Variants in FOXP1 observed in about 807,000 individuals in gnomAD.
FOXP1 encodes the protein forkhead box P1.
In FOXP1, 15 loss-of-function variants were observed where a neutral mutation model predicts 98.2. The ratio of observed to expected loss-of-function variants is 0.15; its 90% confidence interval spans 0.10 to 0.24. FOXP1 has a LOEUF of 0.24. FOXP1 is among the 10% of genes least tolerant of loss of function. The pLI, the probability that FOXP1 is intolerant of heterozygous loss-of-function variation, is 1.00. For synonymous variants in FOXP1, 371 were observed against 314.5 expected (o/e 1.18, Z -1.90); for missense variants, 633 against 848.5 (o/e 0.75, Z 3.15).
intron 7 of FOXP1, among the ~76,000 whole-genome samples, chr3:71,077,170 T>G (rs1392772094): frequency 6.6e-6 from 1 of 152,206 alleles, no homozygotes; most frequent in Non-Finnish European, 1.5e-5. Flanking sequence ...TGTATGCTAA[T>G]CCTTCTTAGA....
At chr3:71,113,782 AAACAATGTCATCAATAAACCGCCATG>A (rs1417393003) in intron 6 of FOXP1, among the ~76,000 whole-genome samples, 1 of 111,974 alleles carries the variant, frequency 8.9e-6, no homozygotes, top group East Asian at 3.7e-4. Flanking sequence ...AAAAAGAAAA[AAACAATGTCATCAATAAACCGCCATG>A]AAGACATTCA....
chr3:71,126,883 AC>A (rs1365545470), intron 6 of FOXP1, among the ~76,000 whole-genome samples: 21 of 101,852 alleles, frequency 2.1e-4, no homozygotes, highest in African/African-American at 3.7e-4. Context: ...AAAAAAAAAA[AC>A]AAAAACAAAA....
chr3:71,009,558 C>T (rs1394140670), intron 12 of FOXP1, among the ~76,000 whole-genome samples: 3 of 152,098 alleles, frequency 2.0e-5, no homozygotes, highest in Non-Finnish European at 4.4e-5. Context: ...AGAACAATTT[C>T]TTCGGATATA....
rs147511687 is a variant in FOXP1, at chr3:71,402,003, C to T, written c.-167-42759G>A. Among the ~76,000 whole-genome samples the T allele has an allele frequency of 1.1e-4, 16 of 152,278 alleles. No homozygotes were observed. The South Asian group carries it at 1.9e-3, about 18-fold the overall frequency. On this transcript the variant is annotated intron_variant, in intron 3 of 20. Transcript: ENST00000649528. ...ACCAGGCTATAAACGCCATGAGAGA[C>T]GGAATGGCACACAAACATCTTCCTC...
intron 13 of FOXP1, among the ~76,000 whole-genome samples, chr3:70,995,821 T>C (rs1197402458): frequency 6.6e-6 from 1 of 152,212 alleles, no homozygotes; most frequent in Non-Finnish European, 1.5e-5. Flanking sequence ...AACCCTTCCC[T>C]GTTAACAAGC....
chr3:71,121,186 G>A (rs532165719), intron 6 of FOXP1, among the ~76,000 whole-genome samples: 19 of 152,106 alleles, frequency 1.2e-4, no homozygotes, highest in African/African-American at 4.6e-4. Flanking sequence ...TGGACAGAGA[G>A]AGATGCCGAA....
chr3:71,285,125 C>A (rs930094828), intron 5 of FOXP1, among the ~76,000 whole-genome samples: 2 of 152,104 alleles, frequency 1.3e-5, no homozygotes, highest in Admixed American at 1.3e-4. Flanking sequence ...AGAACATTAA[C>A]CCCACTCCAA....
At chr3:71,070,615 A>G (rs2107416606) in intron 7 of FOXP1, among the ~76,000 whole-genome samples, 1 of 152,178 alleles carries the variant, frequency 6.6e-6, no homozygotes, top group East Asian at 1.9e-4. Context: ...TACACAAAAC[A>G]AGGGCACTCT....
rs1412015319 is a variant in FOXP1, at chr3:71,041,212, T to C, written c.869+116A>G. 7.3e-6 allele frequency: 6 copies of C among 816,798 alleles called. No individual in the cohort carries two copies. In the Admixed American group the frequency reaches 7.4e-5, roughly 10 times the overall value. The allele number at this position is 816,798 out of a possible 1,614,324, so 50.6% of individuals were successfully genotyped here. On this transcript the variant is annotated intron_variant, in intron 11 of 20. Coordinates refer to ENST00000649528, the MANE Select transcript of FOXP1 (RefSeq NM_001349338.3). ...CTGAATACATTCCTCAGTAATTATA[T>C]GCACATTCAAGTCACATGGATCCAA...
At chr3:71,267,732 G>T (rs960669069) in intron 5 of FOXP1, among the ~76,000 whole-genome samples, 1 of 152,088 alleles carries the variant, frequency 6.6e-6, no homozygotes, top group African/African-American at 2.4e-5. Flanking sequence ...AAATGTCTGT[G>T]TTGGGCCAGG....
chr3:71,500,921 G>A (rs890042930), intron 2 of FOXP1, among the ~76,000 whole-genome samples: 3 of 152,210 alleles, frequency 2.0e-5, no homozygotes, highest in African/African-American at 7.2e-5. Flanking sequence ...GCTAGGCACA[G>A]TGGCTCACAT....
At chr3:71,222,672 G>A (rs1239190860) in intron 5 of FOXP1, among the ~76,000 whole-genome samples, 2 of 152,122 alleles carry the variant, frequency 1.3e-5, no homozygotes, top group Non-Finnish European at 2.9e-5. Flanking sequence ...GCCTGCCTTG[G>A]CCTCCCAAAG....
intron 7 of FOXP1, among the ~76,000 whole-genome samples, chr3:71,089,119 G>T (rs139202610): frequency 1.3e-5 from 2 of 152,160 alleles, no homozygotes; most frequent in African/African-American, 4.8e-5. Flanking sequence ...AAGCCCCAAA[G>T]ATTCTCACCA....
intron 7 of FOXP1, among the ~76,000 whole-genome samples, chr3:71,058,258 C>T (rs1006752188): frequency 6.6e-6 from 1 of 152,090 alleles, no homozygotes; most frequent in Non-Finnish European, 1.5e-5. Flanking sequence ...GTAAATACTA[C>T]CTAGTACACA....
chr3:71,312,342 G>A (rs769827308), intron 4 of FOXP1, among the ~76,000 whole-genome samples: 2 of 152,220 alleles, frequency 1.3e-5, no homozygotes, highest in South Asian at 2.1e-4. Context: ...AAGGCAGCAG[G>A]GTGGAGGTAT....
chr3:71,119,879 C>G (rs1457659191), intron 6 of FOXP1, among the ~76,000 whole-genome samples: 1 of 152,180 alleles, frequency 6.6e-6, no homozygotes, highest in Non-Finnish European at 1.5e-5. Flanking sequence ...TCCAAAGCAA[C>G]AGGTTCTTCA....
chr3:71,294,652 T>C (rs1429459619), intron 5 of FOXP1, among the ~76,000 whole-genome samples: 1 of 152,178 alleles, frequency 6.6e-6, no homozygotes, highest in Non-Finnish European at 1.5e-5. Context: ...AATTACTAGA[T>C]TGGAGCAACT....
chr3:71,027,270 G>T (rs1282543748), intron 11 of FOXP1, among the ~76,000 whole-genome samples: 1 of 152,154 alleles, frequency 6.6e-6, no homozygotes, highest in South Asian at 2.1e-4. Context: ...CGTAAACAAA[G>T]TTCCAATATT....
chr3:71,177,261 G>A lies in FOXP1; in HGVS notation c.180+20941C>T, dbSNP rs780843361. ...ATGAAACCAACCTAAGTTACAAGGC[G>A]CAGTTGCTTAAGAGTAAAATTAGGT... On this transcript the variant is annotated intron_variant, in intron 6 of 20. Coordinates refer to ENST00000649528, the MANE Select transcript of FOXP1 (RefSeq NM_001349338.3). Among the ~76,000 whole-genome samples, 116 of 152,268 alleles carry A rather than the reference G, an allele frequency of 7.6e-4. 1 individual carries two copies. The highest frequency in any genetic ancestry group is 4.6e-4 in the Admixed American group (7 of 15,284).
Sources: allele counts gnomAD v4.1 joint callset (sites outside exome capture counted in the v4.1 genomes callset), GRCh38; gene constraint gnomAD v4.1.1; transcripts MANE v1.5; gene names NCBI Gene and HGNC (gene_info 2026-07-23, HGNC 2026-07-21).